GPM6B: variants seen among roughly 807,000 people sequenced by gnomAD.
GPM6B encodes neuronal membrane glycoprotein M6-b.
A neutral mutation model predicts 27.2 loss-of-function variants in GPM6B; 4 were observed. That is an observed-to-expected ratio of 0.15 (90% CI 0.07 to 0.34). The LOEUF is 0.34. Among genes scored for constraint, GPM6B ranks in the 10% least tolerant of loss-of-function variants. The probability of loss-of-function intolerance (pLI) is 1.00; values close to 1 mark genes in which losing one functional copy is unlikely to be tolerated. For missense variants in GPM6B, 183 were observed against 261.9 expected (o/e 0.70, Z 2.08); for synonymous variants, 124 against 103.1 (o/e 1.20, Z -1.23).
chrX:13,895,623 A>G (rs769439164), intron 1 of GPM6B, among the ~76,000 whole-genome samples: 1 of 111,994 alleles, frequency 8.9e-6, no homozygotes, highest in Non-Finnish European at 1.9e-5. Flanking sequence ...AAGTGACTCA[A>G]TTTGTATCTC....
chrX:13,832,031 G>A (rs1363657394), intron 1 of GPM6B, among the ~76,000 whole-genome samples: 1 of 111,538 alleles, frequency 9.0e-6, no homozygotes, highest in Non-Finnish European at 1.9e-5. Flanking sequence ...CATGAACTGG[G>A]AATTACAATT....
chrX:13,861,740 G>A (rs1431647648), intron 1 of GPM6B, among the ~76,000 whole-genome samples: 2 of 111,885 alleles, frequency 1.8e-5, no homozygotes, highest in Non-Finnish European at 3.8e-5. Context: ...AACCTAGACA[G>A]ATTCAATTAA....
intron 1 of GPM6B, among the ~76,000 whole-genome samples, chrX:13,936,212 T>TA (rs962310846): frequency 3.0e-4 from 34 of 112,250 alleles, no homozygotes; most frequent in Non-Finnish European, 4.9e-4. Context: ...CTTAAGGCTA[T>TA]AAAAAAACTG....
chrX:13,879,021 T>C (rs1382766517), intron 1 of GPM6B, among the ~76,000 whole-genome samples: 1 of 112,252 alleles, frequency 8.9e-6, no homozygotes, highest in African/African-American at 3.2e-5. Flanking sequence ...GTCAGACTTC[T>C]GACCTCCAGG....
intron 1 of GPM6B, among the ~76,000 whole-genome samples, chrX:13,856,715 T>A (rs2049785170): frequency 9.3e-6 from 1 of 107,979 alleles, no homozygotes; most frequent in African/African-American, 3.4e-5. Flanking sequence ...TTATTTTTTT[T>A]TTTTGACAGG....
chrX:13,922,051 A>G (rs1286405085), intron 1 of GPM6B, among the ~76,000 whole-genome samples: 3 of 111,451 alleles, frequency 2.7e-5, no homozygotes, highest in Non-Finnish European at 3.8e-5. Context: ...GTCTTACAGA[A>G]AGCTGCTTCC....
intron 1 of GPM6B, among the ~76,000 whole-genome samples, chrX:13,842,938 C>G (rs747223450): frequency 4.5e-5 from 5 of 111,582 alleles, no homozygotes; most frequent in Non-Finnish European, 9.4e-5. Context: ...TTATCATTGA[C>G]ATACCATACA....
intron 7 of GPM6B, chrX:13,774,118 C>G: frequency 1.3e-6 from 1 of 756,272 alleles, no homozygotes; most frequent in Non-Finnish European, 1.6e-6. Flanking sequence ...TGTGACAAAA[C>G]AAAATCCAGA....
At chrX:13,935,335 CAAAAAA>C (rs60400361) in intron 1 of GPM6B, among the ~76,000 whole-genome samples, 1 of 42,725 alleles carries the variant, frequency 2.3e-5, no homozygotes, top group Non-Finnish European at 4.0e-5. Flanking sequence ...CCTATCTCTA[CAAAAAA>C]AAAAAAAAAA....
chrX:13,922,870 G>A (rs1376252467), intron 1 of GPM6B, among the ~76,000 whole-genome samples: 1 of 112,034 alleles, frequency 8.9e-6, no homozygotes, highest in Non-Finnish European at 1.9e-5. Context: ...GGCCTTTCAG[G>A]ATTACACAAA....
At chrX:13,877,477 A>G (rs755906861) in intron 1 of GPM6B, among the ~76,000 whole-genome samples, 1 of 110,149 alleles carries the variant, frequency 9.1e-6, no homozygotes, top group Admixed American at 9.8e-5. Context: ...TGTTCCAGAA[A>G]CTATACATCT....
intron 2 of GPM6B, among the ~76,000 whole-genome samples, chrX:13,800,004 G>C (rs1200444912): frequency 1.8e-5 from 2 of 111,563 alleles, no homozygotes; most frequent in Admixed American, 1.9e-4. Context: ...TACTTCTTAG[G>C]ACTAGAATAT....
At chrX:13,933,007 T>G (rs567360102) in intron 1 of GPM6B, among the ~76,000 whole-genome samples, 1 of 101,493 alleles carries the variant, frequency 9.9e-6, no homozygotes, top group South Asian at 4.4e-4. Flanking sequence ...GATAAAAGTA[T>G]TATTATTAAA....
chrX:13,862,187 C>G (rs775591155), intron 1 of GPM6B, among the ~76,000 whole-genome samples: 7 of 111,326 alleles, frequency 6.3e-5, no homozygotes, highest in Non-Finnish European at 1.1e-4. Flanking sequence ...GCAACAGCAA[C>G]AACAACTACA....
At chrX:13,925,890 T>C (rs1257471796) in intron 1 of GPM6B, among the ~76,000 whole-genome samples, 1 of 105,340 alleles carries the variant, frequency 9.5e-6, no homozygotes, top group Non-Finnish European at 1.9e-5. Flanking sequence ...CCATCTCTAC[T>C]AAAAATACAA....
chrX:13,850,472 C>T lies in GPM6B; in HGVS notation c.-197-64664G>A, dbSNP rs149130081. Among the ~76,000 whole-genome samples the T allele has an allele frequency of 6.5e-3, 729 of 112,617 alleles. 2 individuals carry two copies. Among genetic ancestry groups the T allele is most frequent in the Non-Finnish European group, 0.011 (605 of 53,323 alleles). Reference sequence around the variant, plus strand: ...TTCTTATAAATTACCCAGCCTCAGGCGTTCCTTTATAGCAATACAAATGGA... The same window carrying T: ...TTCTTATAAATTACCCAGCCTCAGGTGTTCCTTTATAGCAATACAAATGGA... On this transcript the variant is annotated intron_variant, in intron 1 of 6. Coordinates refer to the GPM6B transcript ENST00000398361.
At chrX:13,822,414 G>A (rs984563304) in intron 1 of GPM6B, among the ~76,000 whole-genome samples, 6 of 109,579 alleles carry the variant, frequency 5.5e-5, no homozygotes, top group Non-Finnish European at 1.1e-4. Flanking sequence ...TGCCCAGGCT[G>A]GAGTACAGTG....
intron 5 of GPM6B, among the ~76,000 whole-genome samples, chrX:13,778,050 G>GTTTTTTTTTTTTTTT (rs1450377975): frequency 1.3e-5 from 1 of 76,471 alleles, no homozygotes; most frequent in African/African-American, 4.8e-5. Flanking sequence ...AATCAAATTG[G>GTTTTTTTTTTTTTTT]TTTGTTTTTT....
intron 1 of GPM6B, among the ~76,000 whole-genome samples, chrX:13,900,693 T>C (rs2050274835): frequency 8.9e-6 from 1 of 112,181 alleles, no homozygotes; most frequent in Non-Finnish European, 1.9e-5. Context: ...ACTATCTGCC[T>C]GCTATATTCC....
Sources: allele counts gnomAD v4.1 joint callset (sites outside exome capture counted in the v4.1 genomes callset), GRCh38; gene constraint gnomAD v4.1.1; transcripts MANE v1.5; gene names NCBI Gene and HGNC (gene_info 2026-07-23, HGNC 2026-07-21).